The following MAGI2 variants were observed in gnomAD, a reference collection of about 807,000 sequenced individuals.
MAGI2 encodes membrane associated guanylate kinase, WW and PDZ domain containing 2, also known as membrane-associated guanylate kinase, WW and PDZ domain-containing protein 2.
A neutral mutation model predicts 133.3 loss-of-function variants in MAGI2; 35 were observed. The observed-to-expected ratio is 0.26, with a 90% CI of 0.20 to 0.35. The LOEUF (loss-of-function observed/expected upper bound fraction) is 0.35. Among genes scored for constraint, MAGI2 ranks in the 10% least tolerant of loss-of-function variants. The probability of loss-of-function intolerance (pLI) is 1.00; values close to 1 mark genes in which losing one functional copy is unlikely to be tolerated. For missense variants in MAGI2, 1,636 were observed against 1,863.4 expected, an observed-to-expected ratio of 0.88 and a Z score of 2.25; for synonymous variants, 729 against 710.6, an observed-to-expected ratio of 1.03 and a Z score of -0.41.
intron 6 of MAGI2, chr7:78,487,024 A>G (rs752650129): frequency 7.8e-6 from 4 of 514,186 alleles, no homozygotes; most frequent in Non-Finnish European, 1.6e-5. Flanking sequence ...GAGAAATGTA[A>G]CCAACGAAGG....
intron 9 of MAGI2, among the ~76,000 whole-genome samples, chr7:78,321,114 C>G (rs1026398891): frequency 6.6e-6 from 1 of 151,986 alleles, no homozygotes; most frequent in South Asian, 2.1e-4. Context: ...TCAAGGAAAT[C>G]AGAGAGGACA....
intron 2 of MAGI2, among the ~76,000 whole-genome samples, chr7:78,637,832 G>C (rs927184776): frequency 1.3e-5 from 2 of 152,144 alleles, no homozygotes; most frequent in African/African-American, 4.8e-5. Context: ...CAGGTGTGGT[G>C]CCTCACATCT....
chr7:78,708,420 T>TCTTGA (rs1818862477), intron 2 of MAGI2, among the ~76,000 whole-genome samples: 1 of 152,132 alleles, frequency 6.6e-6, no homozygotes, highest in African/African-American at 2.4e-5. Context: ...TTCAGAGCCT[T>TCTTGA]TTCTGATTTC....
intron 2 of MAGI2, among the ~76,000 whole-genome samples, chr7:78,873,434 A>G (rs185324432): frequency 6.6e-6 from 1 of 152,086 alleles, no homozygotes; most frequent in Non-Finnish European, 1.5e-5. Flanking sequence ...TTCTCATAGT[A>G]GCGTGAACCC....
intron 1 of MAGI2, among the ~76,000 whole-genome samples, chr7:79,094,004 C>T (rs888188280): frequency 6.6e-6 from 1 of 152,074 alleles, no homozygotes; most frequent in African/African-American, 2.4e-5. Flanking sequence ...TGTGAGCCAC[C>T]TCACCTGGCC....
chr7:79,144,958 C>T (rs1021785477), intron 1 of MAGI2, among the ~76,000 whole-genome samples: 3 of 152,116 alleles, frequency 2.0e-5, no homozygotes, highest in Non-Finnish European at 4.4e-5. Flanking sequence ...GCTCTGCACT[C>T]ACATTAAAGA....
chr7:78,619,444 T>C (rs1261392611), intron 3 of MAGI2, among the ~76,000 whole-genome samples: 1 of 151,932 alleles, frequency 6.6e-6, no homozygotes, highest in Admixed American at 6.6e-5. Flanking sequence ...AACAGGTTAA[T>C]ATTGTAGTTA....
intron 2 of MAGI2, among the ~76,000 whole-genome samples, chr7:78,909,830 GC>G (rs1482576795): frequency 1.3e-5 from 2 of 152,090 alleles, no homozygotes; most frequent in Non-Finnish European, 1.5e-5. Flanking sequence ...AAAGACACAT[GC>G]ACACGTATGT....
At chr7:79,203,795 C>T (rs537163212) in intron 1 of MAGI2, among the ~76,000 whole-genome samples, 2 of 152,196 alleles carry the variant, frequency 1.3e-5, no homozygotes, top group East Asian at 1.9e-4. Flanking sequence ...TCTCCAAGTT[C>T]TACAACCAGC....
intron 3 of MAGI2, among the ~76,000 whole-genome samples, chr7:78,557,089 A>AAAAAAAAG (rs1463309653): frequency 6.8e-6 from 1 of 146,162 alleles, no homozygotes. Context: ...TCAAAAAAAA[A>AAAAAAAAG]AAAAAAAAAA....
intron 2 of MAGI2, among the ~76,000 whole-genome samples, chr7:78,641,768 C>T (rs1284710430): frequency 6.6e-6 from 1 of 152,038 alleles, no homozygotes; most frequent in Non-Finnish European, 1.5e-5. Flanking sequence ...GGGAAAATAT[C>T]TGTAGAAGGA....
intron 1 of MAGI2, among the ~76,000 whole-genome samples, chr7:79,198,147 G>A (rs1338895729): frequency 1.3e-5 from 2 of 151,868 alleles, no homozygotes; most frequent in African/African-American, 2.4e-5. Context: ...CAGCTACTCA[G>A]GAAGCTGAGG....
At chr7:78,785,386 G>GT (rs1826732300) in intron 2 of MAGI2, among the ~76,000 whole-genome samples, 1 of 152,208 alleles carries the variant, frequency 6.6e-6, no homozygotes, top group Non-Finnish European at 1.5e-5. Context: ...GTACAAAACT[G>GT]TGTAAGTATT....
intron 9 of MAGI2, among the ~76,000 whole-genome samples, chr7:78,264,987 T>C (rs949334792): frequency 6.6e-6 from 1 of 152,148 alleles, no homozygotes; most frequent in Non-Finnish European, 1.5e-5. Context: ...GATACTGGAG[T>C]AGCCACTTAT....
intron 1 of MAGI2, among the ~76,000 whole-genome samples, chr7:79,020,301 T>G (rs570127684): frequency 2.0e-5 from 3 of 152,336 alleles, no homozygotes; most frequent in Non-Finnish European, 4.4e-5. Flanking sequence ...TTTGGTGCTC[T>G]TAAAAGCATT....
intron 1 of MAGI2, among the ~76,000 whole-genome samples, chr7:79,190,095 C>T (rs962749445): frequency 6.6e-6 from 1 of 151,670 alleles, no homozygotes; most frequent in African/African-American, 2.4e-5. Context: ...AACATTTGTG[C>T]ACAGTTTTTT....
intron 2 of MAGI2, among the ~76,000 whole-genome samples, chr7:78,913,961 A>G (rs1466028731): frequency 6.6e-6 from 1 of 152,198 alleles, no homozygotes; most frequent in Non-Finnish European, 1.5e-5. Flanking sequence ...AGCCTGCTAC[A>G]TGTGTATTCA....
intron 9 of MAGI2, among the ~76,000 whole-genome samples, chr7:78,281,044 T>A (rs925983422): frequency 1.3e-5 from 2 of 151,912 alleles, no homozygotes; most frequent in African/African-American, 4.8e-5. Context: ...TCATCAGATA[T>A]CATTTTTTTC....
intron 5 of MAGI2, among the ~76,000 whole-genome samples, chr7:78,493,219 C>A (rs1178345464): frequency 2.0e-5 from 3 of 152,154 alleles, no homozygotes; most frequent in Non-Finnish European, 4.4e-5. Flanking sequence ...GGTGGATCAG[C>A]AATGAGCAGA....
Sources: allele counts gnomAD v4.1 joint callset (sites outside exome capture counted in the v4.1 genomes callset), GRCh38; gene constraint gnomAD v4.1.1; transcripts MANE v1.5; gene names NCBI Gene and HGNC (gene_info 2026-07-23, HGNC 2026-07-21).